NLRP12: variants seen among roughly 807,000 people sequenced by gnomAD.
The protein encoded by NLRP12 is NLR family pyrin domain containing 12.
In NLRP12, 108 loss-of-function variants were observed where a neutral mutation model predicts 91.2. The ratio of observed to expected loss-of-function variants is 1.18; its 90% CI spans 1.01 to 1.39. The LOEUF (loss-of-function observed/expected upper bound fraction) is 1.39. Ranked by LOEUF, NLRP12 falls within the 40% of genes most tolerant of loss-of-function variation. NLRP12 has a pLI of 0.00. For missense variants in NLRP12, 1,530 were observed against 1,352.7 expected (o/e 1.13, Z -2.06); for synonymous variants, 613 against 566.7 (o/e 1.08, Z -1.16).
chr19:53,804,175 G>T, intron 5 of NLRP12, 53 bp from the exon 6 acceptor site: 1 of 1,571,306 alleles, frequency 6.4e-7, no homozygotes, highest in Non-Finnish European at 8.7e-7. Context: ...TCTATGTCGT[G>T]ATCACTCATG....
At position 53,804,767 on chromosome 19, in the gene NLRP12, C is replaced by T. The variant is rs574226076; in HGVS notation, c.2414+513G>A. Reference sequence around the variant, plus strand: ...TGTAGGTCGAGTGCAGTGGCTCACACCTGTAATTCCAGCACTTTGGGAGGC... The same window carrying T: ...TGTAGGTCGAGTGCAGTGGCTCACATCTGTAATTCCAGCACTTTGGGAGGC... On this transcript the variant is annotated intron_variant, in intron 5 of 9. Transcript: ENST00000324134. 3.3e-4 allele frequency among the ~76,000 whole-genome samples: 50 copies of T among 151,490 alleles called. No individual in the cohort carries two copies. In the South Asian group the frequency reaches 7.7e-3, roughly 23 times the overall value.
intron 1 of NLRP12, among the ~76,000 whole-genome samples, chr19:53,817,627 T>G (rs1234739610): frequency 2.6e-5 from 4 of 151,638 alleles, no homozygotes; most frequent in Non-Finnish European, 5.9e-5. Flanking sequence ...TCCCAGCTAC[T>G]TGGGAGGCTG....
At chr19:53,815,934 A>ATT (rs576400966) in intron 1 of NLRP12, among the ~76,000 whole-genome samples, 2,574 of 135,476 alleles carry the variant, frequency 0.019, 79 homozygotes, top group African/African-American at 0.064. Context: ...AAATATTTTA[A>ATT]TTTTTTTTTT....
chr19:53,804,409 T>TG (rs1568666838), intron 5 of NLRP12, among the ~76,000 whole-genome samples: 1 of 148,060 alleles, frequency 6.8e-6, no homozygotes, highest in African/African-American at 2.5e-5. Flanking sequence ...TTGTTTTTTT[T>TG]TTTTTTTGAG....
Position 53,809,929 on chromosome 19 carries a change from T to C in NLRP12, c.1730A>G (p.Lys577Arg). The part of the protein sequence containing the change: ...LNEETRSHLE[K>R]SLCWKVSPHI... ...CGGCGAGACCTTCCAGCAGAGACTC[T>C]TCTCCAGGTGGCTCCTGGTCTCCTC... The change falls in exon 3 of 10, where the codon AAG becomes AGG. Residue 577 changes from lysine to arginine, a missense_variant. By Grantham distance (26) the Lys-to-Arg change is conservative (BLOSUM62 2). Transcript: ENST00000324134. 1.9e-6 allele frequency: 3 copies of C among 1,614,104 alleles called. No homozygotes were observed. The highest frequency in any genetic ancestry group is 2.5e-6 in the Non-Finnish European group (3 of 1,180,028).
intron 2 of NLRP12, among the ~76,000 whole-genome samples, chr19:53,813,299 C>CTTTTTTTTTTTTTTTTTTTTTTT (rs1160039078): frequency 2.8e-4 from 24 of 86,008 alleles, no homozygotes; most frequent in South Asian, 4.1e-4. Flanking sequence ...TTTTTCTTTT[C>CTTTTTTTTTTTTTTTTTTTTTTT]TTTTTTTTTT....
intron 5 of NLRP12, among the ~76,000 whole-genome samples, 179 bp from the exon 6 acceptor site, chr19:53,804,301 C>T (rs188326185): frequency 6.2e-4 from 94 of 152,216 alleles, no homozygotes; most frequent in Non-Finnish European, 1.1e-3. Context: ...CCGTGATCCT[C>T]CTGCCTCAGC....
At chr19:53,822,968 A>T (rs1002635541) in intron 1 of NLRP12, among the ~76,000 whole-genome samples, 12 of 151,344 alleles carry the variant, frequency 7.9e-5, no homozygotes, top group Admixed American at 2.0e-4. Flanking sequence ...GGGTTTTGCT[A>T]TGTTGGCCAG....
Position 53,810,374 on chromosome 19 carries a change from T to C in NLRP12, c.1285A>G (p.Arg429Gly). The change falls in exon 3 of 10, where the codon AGG becomes GGG. Residue 429 changes from arginine to glycine, a missense_variant. Coordinates refer to ENST00000324134, the MANE Select transcript of NLRP12 (RefSeq NM_144687.4). ...EGGGLLRQTS[R>G]TTTAVYMLYL... Reference sequence around the variant, plus strand: ...AGCATGTACACTGCAGTGGTGGTCCTGGACGTCTGTCTCAACAGCCCCCCA... The same window carrying C: ...AGCATGTACACTGCAGTGGTGGTCCCGGACGTCTGTCTCAACAGCCCCCCA... The C allele has an allele frequency of 6.2e-7, 1 of 1,613,552 alleles. No homozygotes were observed. The highest frequency in any genetic ancestry group is 1.1e-5 in the South Asian group (1 of 91,086).
chr19:53,805,669 C>A (rs1485411352), intron 4 of NLRP12: 2 of 601,356 alleles, frequency 3.3e-6, no homozygotes, highest in African/African-American at 3.7e-5. Context: ...AGACGTGTGC[C>A]ACCATGCCTG....
chr19:53,815,992 G>C (rs534697135), intron 1 of NLRP12, among the ~76,000 whole-genome samples: 63 of 151,204 alleles, frequency 4.2e-4, no homozygotes, highest in Middle Eastern at 6.9e-3. Flanking sequence ...GGCTGGTCTG[G>C]AACTCCTAGC....
rs752872985 is a variant in NLRP12 at position 53,807,484 on chromosome 19, C to A, written c.2243+11G>T. On this transcript the variant is annotated intron_variant, in intron 4 of 9. Coordinates refer to ENST00000324134, the MANE Select transcript of NLRP12 (RefSeq NM_144687.4). ...GGACCACCTGAAACGCCCAGACCAG[C>A]CTGCACTCACCTCAGGTTCTGAAGT... The A allele has an allele frequency of 1.2e-5, 20 of 1,612,710 alleles. No homozygotes were observed. Among genetic ancestry groups the A allele is most frequent in the Admixed American group, 8.4e-5 (5 of 59,722 alleles).
Position 53,810,377 on chromosome 19 carries a change from A to T in NLRP12, c.1282T>A (p.Ser428Thr). Residue 428 changes from serine to threonine, a missense_variant, in exon 3 of 10, where the codon TCC (serine) becomes ACC (threonine). By Grantham distance (58) the Ser-to-Thr change is moderately conservative. Transcript: ENST00000324134. ...ATGTACACTGCAGTGGTGGTCCTGG[A>T]CGTCTGTCTCAACAGCCCCCCACCC... ...LEGGGLLRQT[S>T]RTTTAVYMLY... 1 of 1,613,574 alleles carries T rather than the reference A, an allele frequency of 6.2e-7. No homozygotes were observed. Among genetic ancestry groups the T allele is most frequent in the Non-Finnish European group, 8.5e-7 (1 of 1,180,026 alleles).
rs144968624 is a variant in NLRP12 at position 53,804,113 on chromosome 19, C to T, written c.2424G>A (p.Lys808=). ...GACAAGCCCCGGACTCCAGCTGACACTTCCTCAACCTTGGGAGGAAGGAGA... is the reference window on the plus strand; with the variant it reads ...GACAAGCCCCGGACTCCAGCTGACATTTCCTCAACCTTGGGAGGAAGGAGA... ...QCRLQMIQLR[K]CQLESGACQE... Residue 808 remains lysine (K), a synonymous_variant, in exon 6 of 10, where the codon AAG becomes AAA. Transcript: ENST00000324134. 1.1e-5 allele frequency: 17 copies of T among 1,613,918 alleles called. No individual in the cohort carries two copies. The highest frequency in any genetic ancestry group is 8.0e-5 in the African/African-American group (6 of 74,924).
chr19:53,817,163 A>G (rs374558565), intron 1 of NLRP12, among the ~76,000 whole-genome samples: 11 of 151,920 alleles, frequency 7.2e-5, no homozygotes, highest in South Asian at 2.1e-4. Flanking sequence ...GCATGGTGGC[A>G]GGCACCTGTA....
intron 5 of NLRP12, among the ~76,000 whole-genome samples, chr19:53,804,566 G>A (rs2091927076): frequency 2.7e-5 from 4 of 150,602 alleles, no homozygotes; most frequent in South Asian, 2.1e-4. Context: ...GTGCCACCAC[G>A]CCCAGCTAAG....
In NLRP12 at chr19:53,824,097, C is replaced by T. The variant is rs148263031; in HGVS notation, c.78G>A (p.Lys26=). 3.2e-5 allele frequency: 51 copies of T among 1,613,980 alleles called. No individual in the cohort carries two copies. Among genetic ancestry groups the T allele is most frequent in the Middle Eastern group, 1.6e-4 (1 of 6,084 alleles). ...YLEELEAVEL[K]KFKLYLGTAT... ...CGGTCCCCAGGTATAACTTGAACTT[C>T]TTCAGTTCCACAGCCTCGAGTTCTT... The change falls in exon 1 of 10, where the codon AAG becomes AAA. Residue 26 remains lysine (K), a synonymous_variant. Transcript: ENST00000324134.
At chr19:53,816,546 C>G (rs546670557) in intron 1 of NLRP12, among the ~76,000 whole-genome samples, 1 of 151,880 alleles carries the variant, frequency 6.6e-6, no homozygotes, top group Non-Finnish European at 1.5e-5. Flanking sequence ...TTATTTGAGA[C>G]AGTCTCGCTC....
At chr19:53,803,086 C>T (rs868112217) in intron 6 of NLRP12, among the ~76,000 whole-genome samples, 1 of 152,040 alleles carries the variant, frequency 6.6e-6, no homozygotes, top group East Asian at 1.9e-4. Context: ...ATGAAATTCA[C>T]GAATGCAGAA....
Sources: allele counts gnomAD v4.1 joint callset (sites outside exome capture counted in the v4.1 genomes callset), GRCh38; gene constraint gnomAD v4.1.1; transcripts MANE v1.5; gene names NCBI Gene and HGNC (gene_info 2026-07-23, HGNC 2026-07-21).